Variants in SNTB2 observed in about 807,000 individuals in gnomAD.
The protein encoded by SNTB2 is syntrophin beta 2.
Under a neutral mutation model 46.2 loss-of-function variants are expected in SNTB2, and 34 were observed. That is an observed-to-expected ratio of 0.74 (90% CI 0.56 to 0.98). SNTB2 has a LOEUF of 0.98. Among genes scored for constraint, SNTB2 ranks in the 50% least tolerant of loss-of-function variants. The pLI, the probability that SNTB2 is intolerant of heterozygous loss-of-function variation, is 0.00. For missense variants in SNTB2, 603 were observed against 731.4 expected (o/e 0.82, Z 2.02); for synonymous variants, 290 against 312.6 (o/e 0.93, Z 0.76).
chr16:69,279,709 T>A (rs1162755790), intron 4 of SNTB2, among the ~76,000 whole-genome samples: 7 of 147,112 alleles, frequency 4.8e-5, no homozygotes, highest in Non-Finnish European at 9.0e-5. Flanking sequence ...GTATTTTTTT[T>A]AATAGAGACG....
At chr16:69,265,687 C>T (rs1158689531) in intron 3 of SNTB2, among the ~76,000 whole-genome samples, 1 of 150,978 alleles carries the variant, frequency 6.6e-6, no homozygotes, top group African/African-American at 2.4e-5. Context: ...CTTAGCTGGA[C>T]GTGGTGGCGG....
intron 1 of SNTB2, among the ~76,000 whole-genome samples, chr16:69,220,328 A>G (rs959222350): frequency 4.0e-5 from 6 of 149,260 alleles, no homozygotes; most frequent in African/African-American, 1.5e-4. Flanking sequence ...CACCCGGCTA[A>G]TTTTTTGTAT....
chr16:69,261,142 G>A (rs1036925420), intron 3 of SNTB2, among the ~76,000 whole-genome samples: 2 of 151,950 alleles, frequency 1.3e-5, no homozygotes, highest in East Asian at 1.9e-4. Flanking sequence ...CGAAACTTAC[G>A]TTTTGAATCC....
chr16:69,235,641 A>C, intron 1 of SNTB2: 1 of 1,194,380 alleles, frequency 8.4e-7, no homozygotes, highest in Non-Finnish European at 1.1e-6. Flanking sequence ...GGGGAGCAGA[A>C]AGAAAGAAAA....
chr16:69,195,729 C>T (rs1360861517), intron 1 of SNTB2, among the ~76,000 whole-genome samples: 1 of 152,080 alleles, frequency 6.6e-6, no homozygotes, highest in African/African-American at 2.4e-5. Context: ...TCTTTTACCA[C>T]TCACATTATC....
intron 2 of SNTB2, among the ~76,000 whole-genome samples, chr16:69,251,113 C>T (rs1158347636): frequency 2.7e-5 from 4 of 149,290 alleles, no homozygotes; most frequent in Non-Finnish European, 6.0e-5. Flanking sequence ...CAAGTAGCTG[C>T]GACTACAGGC....
At chr16:69,230,104 G>A (rs1964493641) in intron 1 of SNTB2, among the ~76,000 whole-genome samples, 1 of 149,280 alleles carries the variant, frequency 6.7e-6, no homozygotes, top group Admixed American at 6.6e-5. Flanking sequence ...ATGTATTTAA[G>A]TTAACTTTAT....
At chr16:69,236,851 G>A (rs1464518644) in intron 1 of SNTB2, among the ~76,000 whole-genome samples, 1 of 152,142 alleles carries the variant, frequency 6.6e-6, no homozygotes, top group Non-Finnish European at 1.5e-5. Flanking sequence ...CAAAGGTTTA[G>A]AGAAGCATTT....
chr16:69,270,059 AT>A, intron 3 of SNTB2, 83 bp from the exon 4 acceptor site: 1 of 1,514,692 alleles, frequency 6.6e-7, no homozygotes, highest in East Asian at 2.3e-5. Flanking sequence ...ATGGAGACCC[AT>A]TGTGTTAGGC....
At position 69,301,530 on chromosome 16, in the gene SNTB2, A is replaced by T. The variant is rs868403030; in HGVS notation, c.*606A>T. On this transcript the variant is annotated 3_prime_UTR_variant, in exon 7 of 7. Coordinates refer to ENST00000336278, the MANE Select transcript of SNTB2 (RefSeq NM_006750.4). ...TATCTCAGCCTGGCCATCACTTCCC[A>T]CCTTATCCCAAGCTTTGCCACTGTC... 1 of 152,666 alleles carries T rather than the reference A, an allele frequency of 6.6e-6. No homozygotes were observed. The highest frequency in any genetic ancestry group is 6.6e-5 in the Admixed American group (1 of 15,260). 9.5% of individuals were successfully genotyped at this position (152,666 alleles called of 1,614,324 possible). A position where few individuals can be genotyped will look rare whatever the true frequency, so the allele number is the denominator to read the frequency against.
At chr16:69,251,224 C>T (rs1040582928) in intron 2 of SNTB2, among the ~76,000 whole-genome samples, 15 of 151,314 alleles carry the variant, frequency 9.9e-5, no homozygotes, top group Middle Eastern at 3.4e-3. Flanking sequence ...GTGATCTGCC[C>T]GCCTCGGCCT....
At chr16:69,264,353 G>T (rs940954161) in intron 3 of SNTB2, among the ~76,000 whole-genome samples, 7 of 152,086 alleles carry the variant, frequency 4.6e-5, no homozygotes, top group Non-Finnish European at 1.0e-4. Flanking sequence ...TATCCACCTC[G>T]CCCATTCCCT....
chr16:69,237,892 C>T (rs1964574309), intron 1 of SNTB2, among the ~76,000 whole-genome samples: 1 of 152,142 alleles, frequency 6.6e-6, no homozygotes, highest in African/African-American at 2.4e-5. Flanking sequence ...CATGAGCCAC[C>T]ATGCCTGTTA....
chr16:69,224,711 C>T (rs2152294122), intron 1 of SNTB2, among the ~76,000 whole-genome samples: 1 of 152,168 alleles, frequency 6.6e-6, no homozygotes, highest in African/African-American at 2.4e-5. Flanking sequence ...AAGAGCTGGC[C>T]CTTCTCCTCC....
In SNTB2 at chr16:69,305,310, T is replaced by C. The variant is rs1965308455; in HGVS notation, c.*4386T>C. 1 of 152,602 alleles carries C rather than the reference T, an allele frequency of 6.6e-6. No homozygotes were observed. The highest frequency in any genetic ancestry group is 2.1e-4 in the South Asian group (1 of 4,834). 9.5% of individuals were successfully genotyped at this position (152,602 alleles called of 1,614,324 possible). On this transcript the variant is annotated 3_prime_UTR_variant, in exon 7 of 7. Transcript: ENST00000336278. ...GGAAGACCTGTAGACTCAAGCACTT[T>C]CTCTGCTTTTTTGTATCTTATCTTG...
chr16:69,292,373 TA>T (rs1965171043), intron 5 of SNTB2, among the ~76,000 whole-genome samples: 4 of 41,258 alleles, frequency 9.7e-5, no homozygotes, highest in African/African-American at 3.3e-4. Context: ...TATATATATA[TA>T]TATATTATAT....
At chr16:69,286,531 A>G (rs912034217) in intron 5 of SNTB2, among the ~76,000 whole-genome samples, 2 of 151,982 alleles carry the variant, frequency 1.3e-5, no homozygotes, top group Non-Finnish European at 2.9e-5. Context: ...TAAAAATACA[A>G]AAATTTAGCT....
intron 1 of SNTB2, among the ~76,000 whole-genome samples, chr16:69,215,074 C>A (rs1964333296): frequency 6.6e-6 from 1 of 151,916 alleles, no homozygotes; most frequent in Admixed American, 6.6e-5. Flanking sequence ...AACTCCTGAC[C>A]ACAGATGATC....
intron 1 of SNTB2, among the ~76,000 whole-genome samples, chr16:69,236,470 A>G (rs1384810095): frequency 2.0e-5 from 3 of 152,146 alleles, no homozygotes; most frequent in African/African-American, 7.2e-5. Flanking sequence ...AAGGACAGAA[A>G]GTAGAATGGT....
Sources: gnomAD v4.1 joint callset for allele counts (sites outside exome capture counted in the v4.1 genomes callset) on GRCh38, gnomAD v4.1.1 for gene constraint, MANE v1.5 for transcripts, NCBI Gene and HGNC (gene_info 2026-07-23, HGNC 2026-07-21) for gene names.